ST3GAL4: variants seen among roughly 807,000 people sequenced by gnomAD.
ST3GAL4 encodes ST3 beta-galactoside alpha-2,3-sialyltransferase 4, also known as CMP-N-acetylneuraminate-beta-galactosamide-alpha-2,3-sialyltransferase 4.
In ST3GAL4, 24 loss-of-function variants were observed where a neutral mutation model predicts 42.6. That is an observed-to-expected ratio of 0.56 (90% confidence interval 0.41 to 0.79). ST3GAL4 has a LOEUF of 0.79. ST3GAL4 is among the 30% of genes least tolerant of loss of function. The pLI is 0.00. For synonymous variants in ST3GAL4, 135 were observed against 163.2 expected, an observed-to-expected ratio of 0.83 and a Z score of 1.32; for missense variants, 311 against 430.8, an observed-to-expected ratio of 0.72 and a Z score of 2.46.
rs1952164963 is a variant in ST3GAL4 at position 126,359,107 on chromosome 11, T to C, written c.-61+3265T>C. On this transcript the variant is annotated intron_variant, in intron 1 of 10. Coordinates refer to ENST00000444328, the MANE Select transcript of ST3GAL4 (RefSeq NM_001254757.2). This position sits in a 1 kb window ranked among gnomAD's most constrained non-coding sequence, Gnocchi z 4.8. The stretch of plus-strand genomic sequence containing the variant: ...TAGGGGAGGCAGCCCCAAAGAGTGC[T>C]GGGACCAGTTTGGAGAGTGCTAAGG... Among the ~76,000 whole-genome samples the C allele has an allele frequency of 6.6e-6, 1 of 152,158 alleles. No homozygotes were observed. Among genetic ancestry groups the C allele is most frequent in the Admixed American group, 6.6e-5 (1 of 15,264 alleles).
At chr11:126,413,672 G>A (rs1555094407) in intron 10 of ST3GAL4, 24 bp downstream of exon 10, 1 of 1,612,554 alleles carries the variant, frequency 6.2e-7, no homozygotes, top group Non-Finnish European at 8.5e-7. Flanking sequence ...TTGTGAGCAT[G>A]GTGGGCCAGG....
At chr11:126,407,112 CA>C (rs1324043013) in intron 4 of ST3GAL4, 89 bp downstream of exon 4, 2 of 1,486,572 alleles carry the variant, frequency 1.3e-6, no homozygotes, top group Non-Finnish European at 1.9e-6. Context: ...ATGGAAAGAG[CA>C]GCTGTGTTGG....
Position 126,378,255 on chromosome 11 carries a change from G to A in ST3GAL4, c.-61+22413G>A, listed in dbSNP as rs1952889727. On this transcript the variant is annotated intron_variant, in intron 1 of 10. Coordinates refer to ENST00000444328, the MANE Select transcript of ST3GAL4 (RefSeq NM_001254757.2). The surrounding 1 kb of genome is among the most constrained non-coding windows in gnomAD (Gnocchi z 5.3). Reference sequence around the variant, plus strand: ...GGTCAAAGTGCATCCTATTACCCACGAGTTGGGGGTGATACGAATGTCATG... The same window carrying A: ...GGTCAAAGTGCATCCTATTACCCACAAGTTGGGGGTGATACGAATGTCATG... Among the ~76,000 whole-genome samples, 1 of 152,170 alleles carries A rather than the reference G, an allele frequency of 6.6e-6. No individual in the cohort carries two copies. Among genetic ancestry groups the A allele is most frequent in the African/African-American group, 2.4e-5 (1 of 41,430 alleles).
rs142881969 is a variant in ST3GAL4 at position 126,388,966 on chromosome 11, C to T, written c.-60-17130C>T. On this transcript the variant is annotated intron_variant, in intron 1 of 10. Coordinates refer to ENST00000444328, the MANE Select transcript of ST3GAL4 (RefSeq NM_001254757.2). Reference sequence around the variant, plus strand: ...CTAATTTTTGTATTTTTAGTAGAGACGGGGTTTCACCATGTTGGCCAGGTT... The same window carrying T: ...CTAATTTTTGTATTTTTAGTAGAGATGGGGTTTCACCATGTTGGCCAGGTT... Among the ~76,000 whole-genome samples the T allele has an allele frequency of 1.9e-4, 28 of 150,462 alleles. No individual in the cohort carries two copies. The East Asian group carries it at 2.8e-3, about 15-fold the overall frequency.
Position 126,406,534 on chromosome 11 carries a change from C to T in ST3GAL4, c.78C>T (p.Ser26=), listed in dbSNP as rs1180531011. The T allele has an allele frequency of 6.2e-7, 1 of 1,614,046 alleles. No individual in the cohort carries two copies. The highest frequency in any genetic ancestry group is 8.5e-7 in the Non-Finnish European group (1 of 1,180,036). The change falls in exon 3 of 11, where the codon TCC becomes TCT. Residue 26 remains serine (S), a synonymous_variant. Coordinates refer to ENST00000444328, the MANE Select transcript of ST3GAL4 (RefSeq NM_001254757.2). The surrounding 1 kb of genome is among the most constrained non-coding windows in gnomAD (Gnocchi z 5.4). ...VLVVMVWYSI[S]REDRYIELFY... is the part of the protein sequence containing the mutation. The stretch of plus-strand genomic sequence containing the variant: ...TCGTCATGGTGTGGTATTCCATCTC[C>T]CGGGAAGACAGGTACATCGAGCTGT...
In ST3GAL4 at chr11:126,359,897, G is replaced by A. The variant is rs1367519126; in HGVS notation, c.-61+4055G>A. On this transcript the variant is annotated intron_variant, in intron 1 of 10. Transcript: ENST00000444328. The surrounding 1 kb of genome is among the most constrained non-coding windows in gnomAD (Gnocchi z 4.8). Reference sequence around the variant, plus strand: ...GCCCACATGGCTGCAAGGCAACCACGGCCACACGTGGGGAAGGGGAGGGGC... The same window carrying A: ...GCCCACATGGCTGCAAGGCAACCACAGCCACACGTGGGGAAGGGGAGGGGC... Among the ~76,000 whole-genome samples, 2 of 152,254 alleles carry A rather than the reference G, an allele frequency of 1.3e-5. No individual in the cohort carries two copies. Among genetic ancestry groups the A allele is most frequent in the African/African-American group, 2.4e-5 (1 of 41,464 alleles).
Position 126,414,459 on chromosome 11 carries a change from A to C in ST3GAL4, c.*412A>C. The C allele has an allele frequency of 4.9e-6, 1 of 203,610 alleles. No individual in the cohort carries two copies. Among genetic ancestry groups the C allele is most frequent in the East Asian group, 1.2e-4 (1 of 8,198 alleles). The allele number at this position is 203,610 out of a possible 1,614,324, so 12.6% of individuals were successfully genotyped here. A position where few individuals can be genotyped will look rare whatever the true frequency, so the allele number is the denominator to read the frequency against. ...GCGATGGCCCCACCAAGGCCTAGACACGGCACTGGCCTCCCAGGAGGGCAG... is the reference window on the plus strand; with the variant it reads ...GCGATGGCCCCACCAAGGCCTAGACCCGGCACTGGCCTCCCAGGAGGGCAG... On this transcript the variant is annotated 3_prime_UTR_variant, in exon 11 of 11. Transcript: ENST00000444328.
chr11:126,359,926 A>G lies in ST3GAL4; in HGVS notation c.-61+4084A>G, dbSNP rs1175973867. On this transcript the variant is annotated intron_variant, in intron 1 of 10. Transcript: ENST00000444328. The surrounding 1 kb of genome is among the most constrained non-coding windows in gnomAD (Gnocchi z 4.8). ...ACACGTGGGGAAGGGGAGGGGCCCTATGGGGTCTAAGCACAGGGAACCCAG... is the reference window on the plus strand; with the variant it reads ...ACACGTGGGGAAGGGGAGGGGCCCTGTGGGGTCTAAGCACAGGGAACCCAG... Among the ~76,000 whole-genome samples, 1 of 152,302 alleles carries G rather than the reference A, an allele frequency of 6.6e-6. No homozygotes were observed. Among genetic ancestry groups the G allele is most frequent in the East Asian group, 1.9e-4 (1 of 5,184 alleles).
chr11:126,409,677 C>T lies in ST3GAL4; in HGVS notation c.771+266C>T, dbSNP rs920645406. Among the ~76,000 whole-genome samples, 14 of 152,016 alleles carry T rather than the reference C, an allele frequency of 9.2e-5. No individual in the cohort carries two copies. The highest frequency in any genetic ancestry group is 2.2e-4 in the African/African-American group (9 of 41,402). The stretch of plus-strand genomic sequence containing the variant: ...GGTGTGAGAGGATGGTTTTGGCAGG[C>T]GCTGGTCAGAATTTGTCAACTGGGG... On this transcript the variant is annotated intron_variant, in intron 9 of 10. Coordinates refer to ENST00000444328, the MANE Select transcript of ST3GAL4 (RefSeq NM_001254757.2). The surrounding 1 kb of genome is among the most constrained non-coding windows in gnomAD (Gnocchi z 4.9).
chr11:126,391,677 T>TGTGG lies in ST3GAL4; in HGVS notation c.-60-14418_-60-14415dup. 6.6e-6 allele frequency among the ~76,000 whole-genome samples: 1 copy of TGTGG among 152,030 alleles called. No individual in the cohort carries two copies. The highest frequency in any genetic ancestry group is 1.9e-4 in the East Asian group (1 of 5,148). On this transcript the variant is annotated intron_variant, in intron 1 of 10. Coordinates refer to ENST00000444328, the MANE Select transcript of ST3GAL4 (RefSeq NM_001254757.2). The surrounding 1 kb of genome is among the most constrained non-coding windows in gnomAD (Gnocchi z 5.5). ...CTACAAGGTCCTGTGTAGCATCTGG[T>TGTGG]GTGGACCCAGCAGCCAGGAGGAGAG...
Position 126,355,970 on chromosome 11 carries a change from G to C in ST3GAL4, c.-61+128G>C, listed in dbSNP as rs1467507907. ...AGGGGGTCGGGCCCTGCACGTGGGC[G>C]CAGCGCGGGTCGGGGTGGGGCTGCC... is the stretch of plus-strand genomic sequence containing the variant. On this transcript the variant is annotated intron_variant, in intron 1 of 10. Transcript: ENST00000444328. This position sits in a 1 kb window ranked among gnomAD's most constrained non-coding sequence, Gnocchi z 7.1. The C allele has an allele frequency of 6.6e-6, 1 of 151,720 alleles. No individual in the cohort carries two copies. The highest frequency in any genetic ancestry group is 1.5e-5 in the Non-Finnish European group (1 of 67,868). The allele number at this position is 151,720 out of a possible 1,614,324, so 9.4% of individuals were successfully genotyped here.
At position 126,400,522 on chromosome 11, in the gene ST3GAL4, G is replaced by A. The variant is rs528144396; in HGVS notation, c.-60-5574G>A. Among the ~76,000 whole-genome samples, 1 of 152,218 alleles carries A rather than the reference G, an allele frequency of 6.6e-6. No individual in the cohort carries two copies. The highest frequency in any genetic ancestry group is 1.5e-5 in the Non-Finnish European group (1 of 68,040). On this transcript the variant is annotated intron_variant, in intron 1 of 10. Coordinates refer to ENST00000444328, the MANE Select transcript of ST3GAL4 (RefSeq NM_001254757.2). This position sits in a 1 kb window ranked among gnomAD's most constrained non-coding sequence, Gnocchi z 4.6. ...TGGGAGGGAAAAGGTGGCTCCCTTA[G>A]TGTGCTTGGGAGGAGGGTAAGAGAT...
In ST3GAL4 at chr11:126,406,967, G is replaced by T. The variant is rs1954263311; in HGVS notation, c.126G>T (p.Lys42Asn). The change falls in exon 4 of 11, where the codon AAG (lysine) becomes AAT (asparagine). Residue 42 changes from lysine to asparagine, a missense_variant. Transcript: ENST00000444328. This position sits in a 1 kb window ranked among gnomAD's most constrained non-coding sequence, Gnocchi z 5.4. The stretch of plus-strand genomic sequence containing the variant: ...GTTTTTATTTTCCCATCCCAGAGAA[G>T]AAGGAGCCGTGCCTCCAGGGTGAGG... ...IELFYFPIPE[K>N]KEPCLQGEAE... 1.2e-6 allele frequency: 2 copies of T among 1,614,024 alleles called. No homozygotes were observed. The highest frequency in any genetic ancestry group is 1.7e-6 in the Non-Finnish European group (2 of 1,180,026).
chr11:126,381,242 G>A (rs1952989875), intron 1 of ST3GAL4, among the ~76,000 whole-genome samples: 1 of 152,190 alleles, frequency 6.6e-6, no homozygotes, highest in African/African-American at 2.4e-5. Flanking sequence ...CTGCCTGAGG[G>A]CCCTGGGACC....
In ST3GAL4 at chr11:126,366,517, C is replaced by T. The variant is rs1200814774; in HGVS notation, c.-61+10675C>T. ...GGGGAGGGGTGGGGCTTGCTTTCCT[C>T]ACCCCGCTTCCCACGTCTTCATTGA... On this transcript the variant is annotated intron_variant, in intron 1 of 10. Transcript: ENST00000444328. This position sits in a 1 kb window ranked among gnomAD's most constrained non-coding sequence, Gnocchi z 4.2. 6.6e-6 allele frequency among the ~76,000 whole-genome samples: 1 copy of T among 152,146 alleles called. No homozygotes were observed. The highest frequency in any genetic ancestry group is 1.5e-5 in the Non-Finnish European group (1 of 68,022).
In ST3GAL4 at chr11:126,375,483, G is replaced by A. The variant is rs1405636988; in HGVS notation, c.-61+19641G>A. Among the ~76,000 whole-genome samples the A allele has an allele frequency of 2.6e-5, 4 of 152,124 alleles. No homozygotes were observed. The East Asian group carries it at 5.8e-4, about 22-fold the overall frequency. On this transcript the variant is annotated intron_variant, in intron 1 of 10. Coordinates refer to ENST00000444328, the MANE Select transcript of ST3GAL4 (RefSeq NM_001254757.2). ...GGTTTTAGAAGCCGTAGGATGTGGG[G>A]GTTCTGGCTGAAGTAGCCAGAATTC...
At chr11:126,368,561 A>G (rs539120337) in intron 1 of ST3GAL4, among the ~76,000 whole-genome samples, 35 of 152,326 alleles carry the variant, frequency 2.3e-4, no homozygotes, top group African/African-American at 7.7e-4. Context: ...CTCCTGGGAC[A>G]CAGGTTAGTC....
intron 1 of ST3GAL4, among the ~76,000 whole-genome samples, chr11:126,380,629 G>A (rs1414541366): frequency 6.6e-5 from 10 of 152,194 alleles, no homozygotes; most frequent in Non-Finnish European, 1.0e-4. Flanking sequence ...AGAAGAGAGA[G>A]TGATGAGGGC....
intron 1 of ST3GAL4, among the ~76,000 whole-genome samples, chr11:126,403,872 C>T (rs1591484034): frequency 6.6e-6 from 1 of 152,170 alleles, no homozygotes; most frequent in Non-Finnish European, 1.5e-5. Context: ...CTCTGAGTCA[C>T]GGCGTGCACA....
Sources: allele counts gnomAD v4.1 joint callset (sites outside exome capture counted in the v4.1 genomes callset), GRCh38; gene constraint gnomAD v4.1.1; non-coding constraint Gnocchi (gnomAD v3.1); transcripts MANE v1.5; gene names NCBI Gene and HGNC (gene_info 2026-07-23, HGNC 2026-07-21).